OSBPL10: variants seen among roughly 807,000 people sequenced by gnomAD.
OSBPL10 encodes the protein oxysterol binding protein like 10.
Under a neutral mutation model 81.7 loss-of-function variants are expected in OSBPL10, and 49 were observed. The observed-to-expected ratio is 0.60, with a 90% CI of 0.48 to 0.76. OSBPL10 has a LOEUF of 0.76. Among genes scored for constraint, OSBPL10 ranks in the 30% least tolerant of loss-of-function variants. The pLI is 0.00. For missense variants in OSBPL10, 923 were observed against 987.8 expected, an observed-to-expected ratio of 0.93 and a Z score of 0.88; for synonymous variants, 419 against 383.6, an observed-to-expected ratio of 1.09 and a Z score of -1.08.
intron 6 of OSBPL10, among the ~76,000 whole-genome samples, chr3:31,713,442 G>GC (rs1696332990): frequency 6.6e-6 from 1 of 151,942 alleles, no homozygotes; most frequent in Non-Finnish European, 1.5e-5. Flanking sequence ...TGTTGCCCAG[G>GC]CTGGAGTGCA....
intron 4 of OSBPL10, among the ~76,000 whole-genome samples, chr3:31,774,394 G>C (rs113875524): frequency 6.6e-5 from 10 of 152,290 alleles, no homozygotes; most frequent in Admixed American, 2.6e-4. Flanking sequence ...TGGAGCAGGC[G>C]AGCGGAGTGT....
chr3:31,697,057 C>A (rs1695742572), intron 7 of OSBPL10, among the ~76,000 whole-genome samples: 1 of 152,166 alleles, frequency 6.6e-6, no homozygotes, highest in African/African-American at 2.4e-5. Context: ...TTGCATAATC[C>A]TCCTTCAATC....
At chr3:31,716,294 A>G (rs3792548) in intron 6 of OSBPL10, among the ~76,000 whole-genome samples, 58,431 of 152,064 alleles carry the variant, frequency 0.38, 11,732 homozygotes, top group East Asian at 0.66. Flanking sequence ...CAAATGTATC[A>G]CTTTATATCC....
chr3:31,876,881 C>CTAA (rs1417557054), intron 2 of OSBPL10, among the ~76,000 whole-genome samples: 1 of 149,978 alleles, frequency 6.7e-6, no homozygotes, highest in African/African-American at 2.4e-5. Flanking sequence ...CCTTGTGTAG[C>CTAA]TAATATGAGT....
At chr3:31,989,134 C>G (rs776749404) in intron 2 of OSBPL10, 1 of 1,614,148 alleles carries the variant, frequency 6.2e-7, no homozygotes, top group Non-Finnish European at 8.5e-7. Context: ...AGGCATGGCT[C>G]TTCCTCAGGG....
intron 1 of OSBPL10, chr3:32,066,722 T>C (rs1015220968): frequency 6.6e-6 from 1 of 152,202 alleles, no homozygotes. Context: ...CCTTACCAAT[T>C]CTGGACAGTT....
chr3:31,871,717 G>A (rs1701330883), intron 3 of OSBPL10, among the ~76,000 whole-genome samples: 1 of 152,168 alleles, frequency 6.6e-6, no homozygotes, highest in African/African-American at 2.4e-5. Flanking sequence ...CAAAAAATTA[G>A]CCGGGGATGA....
chr3:32,025,276 T>A (rs930611290), intron 2 of OSBPL10, among the ~76,000 whole-genome samples: 3 of 152,230 alleles, frequency 2.0e-5, no homozygotes, highest in African/African-American at 7.2e-5. Context: ...TTTATTAATA[T>A]GGTATATCAC....
chr3:31,745,069 G>A (rs549733839), intron 5 of OSBPL10, among the ~76,000 whole-genome samples: 7 of 152,298 alleles, frequency 4.6e-5, no homozygotes, highest in South Asian at 2.1e-4. Context: ...TTGAGCTTCC[G>A]CATTTGAGAT....
chr3:31,989,693 A>G, intron 2 of OSBPL10: 1 of 1,613,978 alleles, frequency 6.2e-7, no homozygotes, highest in South Asian at 1.1e-5. Flanking sequence ...CATATTTCTA[A>G]TAACTATGAA....
At chr3:31,819,556 T>C (rs1343524272) in intron 4 of OSBPL10, among the ~76,000 whole-genome samples, 1 of 151,930 alleles carries the variant, frequency 6.6e-6, no homozygotes, top group African/African-American at 2.4e-5. Context: ...CACGTAGGAG[T>C]GAGGCATACA....
chr3:32,036,084 G>A (rs1036639236), intron 2 of OSBPL10, among the ~76,000 whole-genome samples: 1 of 152,088 alleles, frequency 6.6e-6, no homozygotes, highest in Admixed American at 6.6e-5. Context: ...TTCTTGCTTT[G>A]TCACCTAGGC....
chr3:31,662,155 T>C (rs897763557), intron 11 of OSBPL10, 39 bp from the exon 12 acceptor site: 1 of 1,613,134 alleles, frequency 6.2e-7, no homozygotes, highest in African/African-American at 1.3e-5. Flanking sequence ...CATGGAGACC[T>C]CTCAACAGGG....
intron 1 of OSBPL10, among the ~76,000 whole-genome samples, chr3:32,059,539 C>T (rs576296831): frequency 1.3e-3 from 203 of 151,882 alleles, no homozygotes; most frequent in African/African-American, 4.5e-3. Flanking sequence ...TGCAGTGAGC[C>T]GAGATCGCAC....
At chr3:31,766,321 GT>G (rs372182366) in intron 4 of OSBPL10, among the ~76,000 whole-genome samples, 1 of 68,594 alleles carries the variant, frequency 1.5e-5, no homozygotes, top group Non-Finnish European at 3.4e-5. Context: ...GCCCAATGTA[GT>G]TTTTTTGTTT....
intron 9 of OSBPL10, 37 bp downstream of exon 9, chr3:31,670,760 T>TTAAGG: frequency 6.3e-7 from 1 of 1,579,540 alleles, no homozygotes; most frequent in Non-Finnish European, 8.6e-7. Flanking sequence ...GGGCATCTTG[T>TTAAGG]TAAGACAAAG....
intron 1 of OSBPL10, among the ~76,000 whole-genome samples, chr3:31,889,403 G>GTC (rs1379652495): frequency 2.6e-5 from 4 of 152,118 alleles, no homozygotes. Flanking sequence ...CAAGCTGGGT[G>GTC]TCCAACAACA....
intron 7 of OSBPL10, among the ~76,000 whole-genome samples, chr3:31,690,602 T>C (rs1331117748): frequency 6.6e-6 from 1 of 152,240 alleles, no homozygotes; most frequent in Non-Finnish European, 1.5e-5. Context: ...AATTGTGGAC[T>C]GAGGGAATAT....
At chr3:31,847,731 G>T (rs1218451810) in intron 3 of OSBPL10, among the ~76,000 whole-genome samples, 1 of 152,054 alleles carries the variant, frequency 6.6e-6, no homozygotes, top group Non-Finnish European at 1.5e-5. Flanking sequence ...ATTTAATATG[G>T]AAAATTGGTT....
Sources: gnomAD v4.1 joint callset for allele counts (sites outside exome capture counted in the v4.1 genomes callset) on GRCh38, gnomAD v4.1.1 for gene constraint, MANE v1.5 for transcripts, NCBI Gene and HGNC (gene_info 2026-07-23, HGNC 2026-07-21) for gene names.